KCNN3: variants seen among roughly 807,000 people sequenced by gnomAD.
The protein encoded by KCNN3 is potassium calcium-activated channel subfamily N member 3.
In KCNN3, 16 loss-of-function variants were observed where a neutral mutation model predicts 62.9. The ratio of observed to expected loss-of-function variants is 0.25; its 90% CI spans 0.17 to 0.39. The LOEUF is 0.39. Ranked by LOEUF, KCNN3 falls within the 10% of genes least tolerant of loss-of-function variation. The probability of loss-of-function intolerance (pLI) is 1.00; values close to 1 mark genes in which losing one functional copy is unlikely to be tolerated. For synonymous variants in KCNN3, 370 were observed against 389.2 expected (o/e 0.95, Z 0.58); for missense variants, 599 against 949.4 (o/e 0.63, Z 4.85).
chr1:154,750,665 C>A (rs1451909753), intron 3 of KCNN3, among the ~76,000 whole-genome samples: 1 of 152,008 alleles, frequency 6.6e-6, no homozygotes, highest in Non-Finnish European at 1.5e-5. Context: ...AGATGGAGAG[C>A]TGGTTAGGTA....
At chr1:154,716,350 G>A (rs924436818) in intron 5 of KCNN3, among the ~76,000 whole-genome samples, 1 of 152,264 alleles carries the variant, frequency 6.6e-6, no homozygotes, top group Non-Finnish European at 1.5e-5. Flanking sequence ...CCACAGGCCT[G>A]GGGCCTGGAA....
intron 1 of KCNN3, among the ~76,000 whole-genome samples, chr1:154,866,505 A>G (rs898387611): frequency 6.6e-6 from 1 of 152,180 alleles, no homozygotes; most frequent in Non-Finnish European, 1.5e-5. Flanking sequence ...CAGTTCCTTG[A>G]AATGTTCCCA....
chr1:154,855,832 G>A (rs1489207184), intron 1 of KCNN3, among the ~76,000 whole-genome samples: 2 of 152,184 alleles, frequency 1.3e-5, no homozygotes, highest in Non-Finnish European at 2.9e-5. Flanking sequence ...TAAGTGTCTA[G>A]CATATGGTAG....
chr1:154,817,779 G>A (rs1650726738), intron 2 of KCNN3, among the ~76,000 whole-genome samples: 1 of 152,224 alleles, frequency 6.6e-6, no homozygotes, highest in Non-Finnish European at 1.5e-5. Flanking sequence ...GGTGAATTCT[G>A]AGTTTCTCAT....
At chr1:154,816,827 C>T (rs573457517) in intron 2 of KCNN3, among the ~76,000 whole-genome samples, 1 of 152,320 alleles carries the variant, frequency 6.6e-6, no homozygotes, top group South Asian at 2.1e-4. Context: ...CAGCTTGAAA[C>T]CTTCTCATAG....
chr1:154,854,459 G>C (rs1196694618), intron 1 of KCNN3, among the ~76,000 whole-genome samples: 5 of 152,160 alleles, frequency 3.3e-5, no homozygotes, highest in Admixed American at 3.3e-4. Flanking sequence ...TGTCAATGGA[G>C]TAAGAAGTTG....
chr1:154,846,424 A>G (rs1652059059), intron 1 of KCNN3, among the ~76,000 whole-genome samples: 2 of 152,360 alleles, frequency 1.3e-5, no homozygotes, highest in South Asian at 4.1e-4. Flanking sequence ...ACGATTAGGC[A>G]GCAGCATACT....
At chr1:154,714,773 G>A in intron 6 of KCNN3, 103 bp downstream of exon 6, 1 of 1,475,716 alleles carries the variant, frequency 6.8e-7, no homozygotes, top group Non-Finnish European at 9.5e-7. Context: ...TCCACTTGTT[G>A]AGTGGAACAG....
At chr1:154,716,459 A>G (rs1700234985) in intron 5 of KCNN3, among the ~76,000 whole-genome samples, 1 of 152,220 alleles carries the variant, frequency 6.6e-6, no homozygotes, top group Non-Finnish European at 1.5e-5. Context: ...ACATCAACAG[A>G]TGGGATGTTG....
intron 3 of KCNN3, among the ~76,000 whole-genome samples, chr1:154,746,242 G>A (rs553788774): frequency 3.9e-5 from 6 of 152,300 alleles, no homozygotes; most frequent in Non-Finnish European, 7.3e-5. Context: ...AAAGGGCCGC[G>A]TTACAATGGA....
intron 1 of KCNN3, among the ~76,000 whole-genome samples, chr1:154,864,689 C>T (rs1652887312): frequency 1.3e-5 from 2 of 152,252 alleles, no homozygotes; most frequent in Non-Finnish European, 2.9e-5. Flanking sequence ...CCTGGATAAG[C>T]ATCTTCACAC....
At chr1:154,788,139 G>C (rs765856092) in intron 2 of KCNN3, among the ~76,000 whole-genome samples, 2 of 152,176 alleles carry the variant, frequency 1.3e-5, no homozygotes, top group Admixed American at 6.5e-5. Context: ...GACTGTCTGG[G>C]ATATGAATGA....
intron 3 of KCNN3, among the ~76,000 whole-genome samples, chr1:154,752,120 A>C (rs1274819632): frequency 6.6e-6 from 1 of 152,170 alleles, no homozygotes; most frequent in Admixed American, 6.5e-5. Flanking sequence ...CAAATCTGTC[A>C]TGAGTAGAGA....
chr1:154,758,669 G>A (rs1251898300), intron 3 of KCNN3, among the ~76,000 whole-genome samples: 1 of 152,202 alleles, frequency 6.6e-6, no homozygotes, highest in East Asian at 1.9e-4. Context: ...CGAATGGAAC[G>A]AGGTGGGGTA....
chr1:154,828,079 G>T (rs1410075026), intron 1 of KCNN3, among the ~76,000 whole-genome samples: 1 of 152,172 alleles, frequency 6.6e-6, no homozygotes, highest in African/African-American at 2.4e-5. Flanking sequence ...ACCAGCCTGA[G>T]AAGGGAGAAG....
At position 154,705,644 on chromosome 1, in the gene KCNN3, C is replaced by T. The variant is rs949650763; in HGVS notation, c.*2332G>A. ...ATCACAGTCTGTGCACACTTTTGGC[C>T]AGGAAGAGTGGCAGTGGAATCTTGC... On this transcript the variant is annotated 3_prime_UTR_variant, in exon 8 of 8. Coordinates refer to ENST00000271915, the MANE Select transcript of KCNN3 (RefSeq NM_002249.6). The T allele has an allele frequency of 6.6e-6, 1 of 152,136 alleles. No homozygotes were observed. Among genetic ancestry groups the T allele is most frequent in the African/African-American group, 2.4e-5 (1 of 41,418 alleles). The allele number at this position is 152,136 out of a possible 1,614,324, so 9.4% of individuals were successfully genotyped here.
chr1:154,840,866 G>C (rs115701398), intron 1 of KCNN3, among the ~76,000 whole-genome samples: 1 of 152,120 alleles, frequency 6.6e-6, no homozygotes, highest in Non-Finnish European at 1.5e-5. Flanking sequence ...CCCCACCAAC[G>C]CCCTCCCCGG....
At chr1:154,712,989 A>G (rs1700110929) in intron 7 of KCNN3, among the ~76,000 whole-genome samples, 2 of 152,176 alleles carry the variant, frequency 1.3e-5, no homozygotes, top group Non-Finnish European at 2.9e-5. Context: ...ACTGCCGCCA[A>G]TTTGAGGCCA....
intron 1 of KCNN3, among the ~76,000 whole-genome samples, chr1:154,830,029 A>G (rs151302455): frequency 1.0e-3 from 153 of 152,350 alleles, no homozygotes; most frequent in African/African-American, 3.5e-3. Context: ...TGCCTAGAAC[A>G]CTGGTCTGGC....
Sources: allele counts gnomAD v4.1 joint callset (sites outside exome capture counted in the v4.1 genomes callset), GRCh38; gene constraint gnomAD v4.1.1; transcripts MANE v1.5; gene names NCBI Gene and HGNC (gene_info 2026-07-23, HGNC 2026-07-21).